LIN52: variants seen among roughly 807,000 people sequenced by gnomAD.
LIN52 encodes the protein lin-52 DREAM MuvB core complex component.
A neutral mutation model predicts 18.5 loss-of-function variants in LIN52; 4 were observed. The ratio of observed to expected loss-of-function variants is 0.22; its 90% CI spans 0.11 to 0.49. LIN52 has a LOEUF of 0.49. LIN52 is among the 20% of genes least tolerant of loss of function. The pLI is 0.97. For synonymous variants in LIN52, 34 were observed against 45.5 expected, an observed-to-expected ratio of 0.75 and a Z score of 1.02; for missense variants, 102 against 139.5, an observed-to-expected ratio of 0.73 and a Z score of 1.35.
intron 5 of LIN52, among the ~76,000 whole-genome samples, chr14:74,159,567 GTTTTTTTT>G (rs11288935): frequency 7.5e-6 from 1 of 133,590 alleles, no homozygotes; most frequent in Non-Finnish European, 1.6e-5. Context: ...TGTGGGGTTT[GTTTTTTTT>G]TTTTTTTTTT....
At position 74,198,998 on chromosome 14, in the gene LIN52, G is replaced by A. The variant is rs1443511836; in HGVS notation, c.*21G>A. 1.3e-6 allele frequency: 2 copies of A among 1,590,762 alleles called. No individual in the cohort carries two copies. Among genetic ancestry groups the A allele is most frequent in the Non-Finnish European group, 1.7e-6 (2 of 1,159,854 alleles). ...AGTAGCAGCTGCTTGCGGACAGGAT[G>A]TCCTGGGGTCCGAAACCAAGCTCCC... is the stretch of plus-strand genomic sequence containing the variant. On this transcript the variant is annotated 3_prime_UTR_variant, in exon 6 of 6. Coordinates refer to ENST00000555028, the MANE Select transcript of LIN52 (RefSeq NM_001024674.3).
intron 5 of LIN52, 59 bp downstream of exon 5, chr14:74,101,297 C>A: frequency 1.7e-6 from 2 of 1,204,708 alleles, no homozygotes; most frequent in South Asian, 3.0e-5. Context: ...GTGTATTCCA[C>A]CCTGAGCTCA....
rs71115969 is a variant in LIN52, at chr14:74,185,309, C to CTTTTTTTTTTTTTT, written c.284-13603_284-13590dup. On this transcript the variant is annotated intron_variant, in intron 5 of 5. Coordinates refer to ENST00000555028, the MANE Select transcript of LIN52 (RefSeq NM_001024674.3). ...AATATATTTGATTTTATAATGATTT[C>CTTTTTTTTTTTTTT]TTTTTTTTTTTTTTTTTTTTTTTGA... Among the ~76,000 whole-genome samples, 9 of 78,786 alleles carry CTTTTTTTTTTTTTT rather than the reference C, an allele frequency of 1.1e-4. 1 individual carries two copies. The highest frequency in any genetic ancestry group is 1.1e-4 in the Non-Finnish European group (5 of 45,588). The allele number at this position is 78,786 out of a possible 152,430, so 51.7% of individuals were successfully genotyped here. A position where few individuals can be genotyped will look rare whatever the true frequency, so the allele number is the denominator to read the frequency against.
intron 5 of LIN52, among the ~76,000 whole-genome samples, chr14:74,175,711 T>TACACACACACAC (rs35602442): frequency 2.0e-3 from 176 of 86,380 alleles, no homozygotes; most frequent in Non-Finnish European, 3.0e-3. Context: ...CACAGACACA[T>TACACACACACAC]ACACACACAC....
At chr14:74,148,732 G>A (rs2061163882) in intron 5 of LIN52, among the ~76,000 whole-genome samples, 1 of 150,300 alleles carries the variant, frequency 6.7e-6, no homozygotes, top group Non-Finnish European at 1.5e-5. Flanking sequence ...CAGTTTGTTA[G>A]GTTAGACAGA....
chr14:74,162,811 G>T (rs564319655), intron 5 of LIN52, among the ~76,000 whole-genome samples: 6 of 151,962 alleles, frequency 3.9e-5, no homozygotes, highest in Non-Finnish European at 7.4e-5. Context: ...TCCTCTTCCT[G>T]TCTTCCATTA....
At chr14:74,185,152 T>C (rs1218606370) in intron 5 of LIN52, among the ~76,000 whole-genome samples, 1 of 151,940 alleles carries the variant, frequency 6.6e-6, no homozygotes, top group Non-Finnish European at 1.5e-5. Flanking sequence ...GAGACTGTCA[T>C]TGTCTCTAGG....
intron 5 of LIN52, among the ~76,000 whole-genome samples, chr14:74,120,439 T>A (rs201390180): frequency 9.3e-5 from 14 of 151,312 alleles, no homozygotes; most frequent in Non-Finnish European, 5.9e-5. Context: ...ACCAATATGG[T>A]GAAACACTGT....
At chr14:74,120,468 AAGT>A (rs1359207538) in intron 5 of LIN52, among the ~76,000 whole-genome samples, 1 of 150,942 alleles carries the variant, frequency 6.6e-6, no homozygotes, top group Non-Finnish European at 1.5e-5. Context: ...AAAATACAAA[AAGT>A]AGGCCAGGCG....
rs148451259 is a variant in LIN52 at position 74,091,276 on chromosome 14, C to T, written c.64C>T (p.Arg22Cys). 2.4e-5 allele frequency: 38 copies of T among 1,610,172 alleles called. No individual in the cohort carries two copies. The highest frequency in any genetic ancestry group is 3.1e-5 in the Non-Finnish European group (36 of 1,176,994). Residue 22 changes from arginine to cysteine, a missense_variant, in exon 2 of 6, where the codon CGT becomes TGT. Transcript: ENST00000555028. ...ASLLSFEKLD[R>C]ASPDLWPEQL... ...TTTGCTAAGTTTTGAAAAACTTGAC[C>T]GTGCCTCACCAGATCTTTGGCCAGA...
At chr14:74,198,857 C>A in intron 5 of LIN52, 65 bp from the exon 6 acceptor site, 2 of 1,179,340 alleles carry the variant, frequency 1.7e-6, no homozygotes, top group Non-Finnish European at 2.5e-6. Context: ...TAAATTAAAT[C>A]TTCCTATGAT....
intron 5 of LIN52, among the ~76,000 whole-genome samples, chr14:74,122,526 C>T (rs1385237286): frequency 6.6e-6 from 1 of 152,118 alleles, no homozygotes; most frequent in African/African-American, 2.4e-5. Flanking sequence ...TTTCACTGGA[C>T]ACTTGTGAGA....
intron 5 of LIN52, among the ~76,000 whole-genome samples, chr14:74,153,468 AAAT>A (rs2061185618): frequency 6.6e-6 from 1 of 152,102 alleles, no homozygotes; most frequent in African/African-American, 2.4e-5. Context: ...GGTTAAAAAT[AAAT>A]AAGTATATAT....
In LIN52 at chr14:74,162,475, C is replaced by CAAAA. The variant is rs35116380; in HGVS notation, c.284-36430_284-36427dup. Among the ~76,000 whole-genome samples the CAAAA allele has an allele frequency of 3.0e-3, 276 of 93,048 alleles. 1 individual carries two copies. Among genetic ancestry groups the CAAAA allele is most frequent in the Non-Finnish European group, 3.7e-3 (182 of 49,850 alleles). The allele number at this position is 93,048 out of a possible 152,430, so 61.0% of individuals were successfully genotyped here. ...AGCAACAAAGCAAGACTCCATCTCACAAAAAAAAAAAAAAAAAAAAGATTG... is the reference window on the plus strand; with the variant it reads ...AGCAACAAAGCAAGACTCCATCTCACAAAAAAAAAAAAAAAAAAAAAAAAGATTG... On this transcript the variant is annotated intron_variant, in intron 5 of 5. Transcript: ENST00000555028.
intron 5 of LIN52, among the ~76,000 whole-genome samples, chr14:74,138,357 G>T (rs2061109724): frequency 6.6e-6 from 1 of 152,160 alleles, no homozygotes; most frequent in Non-Finnish European, 1.5e-5. Flanking sequence ...ATATTTTGGG[G>T]GAAAATTGAT....
intron 5 of LIN52, among the ~76,000 whole-genome samples, chr14:74,119,419 C>T (rs1045442857): frequency 5.9e-5 from 9 of 152,100 alleles, no homozygotes; most frequent in African/African-American, 2.2e-4. Flanking sequence ...CCGCCTTGGC[C>T]TCCCAAAATG....
chr14:74,122,637 G>A (rs2061006684), intron 5 of LIN52, among the ~76,000 whole-genome samples: 1 of 152,210 alleles, frequency 6.6e-6, no homozygotes, highest in African/African-American at 2.4e-5. Context: ...AGGCCAAGAT[G>A]GGCAGATCAC....
rs759897319 is a variant in LIN52, at chr14:74,198,937, G to A, written c.299G>A (p.Arg100Gln). The change falls in exon 6 of 6, where the codon CGG (arginine) becomes CAG (glutamine). Residue 100 changes from arginine (R) to glutamine (Q), a missense_variant. By Grantham distance (43) the Arg-to-Gln change is conservative. Transcript: ENST00000555028. ...LGLDESREMT[R>Q]GKFLNILEKP... is the part of the protein sequence containing the mutation. ...GTGATTCCAGCCAGAGAGATGACAC[G>A]GGGGAAATTCCTCAATATTCTAGAG... 23 of 1,612,194 alleles carry A rather than the reference G, an allele frequency of 1.4e-5. No individual in the cohort carries two copies. The highest frequency in any genetic ancestry group is 5.0e-5 in the Admixed American group (3 of 59,960).
chr14:74,132,313 A>G (rs1165776820), intron 5 of LIN52, among the ~76,000 whole-genome samples: 1 of 152,186 alleles, frequency 6.6e-6, no homozygotes, highest in East Asian at 1.9e-4. Context: ...TTGATAAAAT[A>G]TGATTTGCTT....
Sources: allele counts gnomAD v4.1 joint callset (sites outside exome capture counted in the v4.1 genomes callset), GRCh38; gene constraint gnomAD v4.1.1; transcripts MANE v1.5; gene names NCBI Gene and HGNC (gene_info 2026-07-23, HGNC 2026-07-21).